CTSB: variants seen among roughly 807,000 people sequenced by gnomAD.
CTSB encodes the protein APP secretase.
CTSB carries 57 observed loss-of-function variants against 44.3 expected under a neutral mutation model. The observed-to-expected ratio is 1.29, with a 90% CI of 1.04 to 1.60. The LOEUF (loss-of-function observed/expected upper bound fraction) is 1.60. Ranked by LOEUF, CTSB falls within the 40% of genes most tolerant of loss-of-function variation. The pLI is 0.00. For synonymous variants in CTSB, 320 were observed against 168.0 expected (o/e 1.91, Z -7.00); for missense variants, 768 against 443.0 (o/e 1.73, Z -6.59).
At chr8:11,867,188 A>G (rs1817277853) in intron 1 of CTSB, 1 of 152,152 alleles carries the variant, frequency 6.6e-6, no homozygotes, top group African/African-American at 2.4e-5. Flanking sequence ...CCTGCCTGCA[A>G]CGCCCCACAC....
At position 11,854,177 on chromosome 8, in the gene CTSB, C is replaced by G. The variant is rs1226538914; in HGVS notation, c.-25-698G>C. On this transcript the variant is annotated intron_variant, in intron 1 of 9. Transcript: ENST00000353047. ...ACTCTGAGTCACCCTCCTAAGTGAG[C>G]AGCTCAACAAAAGCAATACATGTCT... Among the ~76,000 whole-genome samples, 5 of 152,232 alleles carry G rather than the reference C, an allele frequency of 3.3e-5. No homozygotes were observed. In the East Asian group the frequency reaches 7.7e-4, roughly 23 times the overall value.
At chr8:11,851,736 A>C (rs1586134342) in intron 3 of CTSB, among the ~76,000 whole-genome samples, 1 of 150,058 alleles carries the variant, frequency 6.7e-6, no homozygotes, top group East Asian at 2.1e-4. Flanking sequence ...GCATCATCTC[A>C]GCTCACCGCA....
chr8:11,859,415 A>C (rs1455648432), intron 1 of CTSB, among the ~76,000 whole-genome samples: 1 of 152,120 alleles, frequency 6.6e-6, no homozygotes, highest in Non-Finnish European at 1.5e-5. Flanking sequence ...AGGAGGTGTT[A>C]AGTCCTGACA....
At chr8:11,852,109 G>A (rs532073724) in intron 3 of CTSB, among the ~76,000 whole-genome samples, 2 of 152,242 alleles carry the variant, frequency 1.3e-5, no homozygotes, top group African/African-American at 2.4e-5. Flanking sequence ...GGCTCATGCC[G>A]GTAATCCCAG....
At chr8:11,857,295 G>C (rs957009845) in intron 1 of CTSB, among the ~76,000 whole-genome samples, 1 of 152,158 alleles carries the variant, frequency 6.6e-6, no homozygotes, top group African/African-American at 2.4e-5. Flanking sequence ...TAGGATTACA[G>C]GCATGAGCCA....
rs1024239712 is a variant in CTSB, at chr8:11,844,783, G to C, written c.*342C>G. On this transcript the variant is annotated 3_prime_UTR_variant, in exon 10 of 10. Transcript: ENST00000353047. ...GATGGGGGAACTTTCATCCTGTTAG[G>C]AACTCCGCTTTCCATTCCTGCGTCT... The C allele has an allele frequency of 8.5e-6, 2 of 234,280 alleles. No homozygotes were observed. The highest frequency in any genetic ancestry group is 5.0e-5 in the Admixed American group (1 of 19,820). 14.5% of individuals were successfully genotyped at this position (234,280 alleles called of 1,614,324 possible). A position where few individuals can be genotyped will look rare whatever the true frequency, so the allele number is the denominator to read the frequency against.
At chr8:11,851,768 GC>G (rs1281853773) in intron 3 of CTSB, among the ~76,000 whole-genome samples, 1 of 151,600 alleles carries the variant, frequency 6.6e-6, no homozygotes, top group East Asian at 2.0e-4. Flanking sequence ...CCGGGTTCAT[GC>G]GATTCTCTAG....
intron 5 of CTSB, chr8:11,848,600 C>G (rs548521337): frequency 3.1e-6 from 1 of 326,966 alleles, no homozygotes; most frequent in Non-Finnish European, 6.0e-6. Context: ...GATCTGCAGC[C>G]GCCAGTGAAC....
In CTSB at chr8:11,847,633, C is replaced by A. The variant is rs375655072; in HGVS notation, c.676+46G>T. 9 of 1,496,432 alleles carry A rather than the reference C, an allele frequency of 6.0e-6. No individual in the cohort carries two copies. In the African/African-American group the frequency reaches 1.1e-4, roughly 19 times the overall value. The allele number at this position is 1,496,432 out of a possible 1,614,324, so 92.7% of individuals were successfully genotyped here. A position where few individuals can be genotyped will look rare whatever the true frequency, so the allele number is the denominator to read the frequency against. On this transcript the variant is annotated intron_variant, in intron 7 of 9. Coordinates refer to ENST00000353047, the MANE Select transcript of CTSB (RefSeq NM_001908.5). ...TGCAGCGTGAGGAGGGATGCAGCAG[C>A]TCCCCAGCCTCCACGTGCGCCGTGG...
At chr8:11,865,781 G>C (rs1052535647) in intron 1 of CTSB, among the ~76,000 whole-genome samples, 1 of 150,482 alleles carries the variant, frequency 6.6e-6, no homozygotes, top group African/African-American at 2.5e-5. Context: ...AGGCTGAGGC[G>C]GATCACTTGA....
chr8:11,862,955 A>G (rs994078468), intron 1 of CTSB, among the ~76,000 whole-genome samples: 2 of 152,182 alleles, frequency 1.3e-5, no homozygotes, highest in Admixed American at 6.5e-5. Context: ...CTGGCCTGGT[A>G]AAGACAGATA....
chr8:11,845,711 G>A lies in CTSB; in HGVS notation c.872C>T (p.Thr291Ile). The A allele has an allele frequency of 1.2e-6, 2 of 1,614,126 alleles. No individual in the cohort carries two copies. Among genetic ancestry groups the A allele is most frequent in the South Asian group, 1.1e-5 (1 of 91,072 alleles). ...RILGWGVENG[T>I]PYWLVANSWN... ...GGAGTTGGCAACCAGCCAGTAGGGT[G>A]TGCCATTCTCCACTCCCCAGCCCAG... The change falls in exon 9 of 10, where the codon ACA (threonine) becomes ATA (isoleucine). Residue 291 changes from threonine (T) to isoleucine (I), a missense_variant. Coordinates refer to ENST00000353047, the MANE Select transcript of CTSB (RefSeq NM_001908.5).
At chr8:11,858,099 G>T (rs1815810519) in intron 1 of CTSB, among the ~76,000 whole-genome samples, 1 of 152,148 alleles carries the variant, frequency 6.6e-6, no homozygotes, top group South Asian at 2.1e-4. Context: ...CGTGTCTCAG[G>T]TGGCAGTCAA....
Position 11,853,364 on chromosome 8 carries a change from C to G in CTSB, c.91G>C (p.Val31Leu). 1.2e-6 allele frequency: 2 copies of G among 1,613,310 alleles called. No individual in the cohort carries two copies. Among genetic ancestry groups the G allele is most frequent in the Non-Finnish European group, 1.7e-6 (2 of 1,179,890 alleles). Reference sequence around the variant, plus strand: ...GTATTCCGTTTGTTGACATAGTTGACCAGCTCATCCGACAGGGGATGGAAA... The same window carrying G: ...GTATTCCGTTTGTTGACATAGTTGAGCAGCTCATCCGACAGGGGATGGAAA... ...PSFHPLSDEL[V>L]NYVNKRNTTW... is the part of the protein sequence containing the mutation. The change falls in exon 2 of 10, where the codon GTC (valine) becomes CTC (leucine). Residue 31 changes from valine (V) to leucine (L), a missense_variant. Coordinates refer to ENST00000353047, the MANE Select transcript of CTSB (RefSeq NM_001908.5).
chr8:11,853,794 G>C (rs1053082201), intron 1 of CTSB: 8 of 235,200 alleles, frequency 3.4e-5, no homozygotes, highest in Non-Finnish European at 6.7e-5. Flanking sequence ...AGAACAGCTT[G>C]AGACACTTTC....
In CTSB at chr8:11,853,369, T is replaced by C. The variant is rs769095796; in HGVS notation, c.86A>G (p.Glu29Gly). The C allele has an allele frequency of 1.2e-6, 2 of 1,612,844 alleles. No individual in the cohort carries two copies. Among genetic ancestry groups the C allele is most frequent in the Non-Finnish European group, 8.5e-7 (1 of 1,179,828 alleles). ...CCGTTTGTTGACATAGTTGACCAGC[T>C]CATCCGACAGGGGATGGAAAGAGGG... ...SRPSFHPLSD[E>G]LVNYVNKRNT... Residue 29 changes from glutamate to glycine, a missense_variant, in exon 2 of 10, where the codon GAG (glutamate) becomes GGG (glycine). By Grantham distance (98) the Glu-to-Gly change is moderately conservative (BLOSUM62 -2). Transcript: ENST00000353047.
At chr8:11,858,379 C>A (rs933773349) in intron 1 of CTSB, among the ~76,000 whole-genome samples, 1 of 152,174 alleles carries the variant, frequency 6.6e-6, no homozygotes, top group Non-Finnish European at 1.5e-5. Flanking sequence ...ACTGCAAACT[C>A]TGCCTCCTGG....
At chr8:11,853,644 C>G in intron 1 of CTSB, 165 bp from the exon 2 acceptor site, 1 of 647,046 alleles carries the variant, frequency 1.5e-6, no homozygotes, top group Non-Finnish European at 2.5e-6. Context: ...CGCCCCCCTG[C>G]CCGAAGCACG....
intron 8 of CTSB, 129 bp from the exon 9 acceptor site, chr8:11,845,918 A>T: frequency 9.1e-7 from 1 of 1,095,474 alleles, no homozygotes. Context: ...CTGCTCCACC[A>T]GGAGGCTCCA....
Sources: allele counts gnomAD v4.1 joint callset (sites outside exome capture counted in the v4.1 genomes callset), GRCh38; gene constraint gnomAD v4.1.1; transcripts MANE v1.5; gene names NCBI Gene and HGNC (gene_info 2026-07-23, HGNC 2026-07-21).